Variants in PROSER1 observed in about 807,000 individuals in gnomAD.
PROSER1 encodes the protein proline and serine rich 1.
PROSER1 carries 36 observed loss-of-function variants against 71.8 expected under a neutral mutation model. That is an observed-to-expected ratio of 0.50 (90% CI 0.38 to 0.66). The LOEUF (loss-of-function observed/expected upper bound fraction) is 0.66, where lower values mean the gene tolerates loss of function less well. Ranked by LOEUF, PROSER1 falls within the 30% of genes least tolerant of loss-of-function variation. The pLI is 0.00. For synonymous variants in PROSER1, 490 were observed against 452.4 expected (o/e 1.08, Z -1.06); for missense variants, 1,107 against 1,135.0 (o/e 0.98, Z 0.35).
At chr13:39,035,694 T>C (rs1316936372) in intron 1 of PROSER1, among the ~76,000 whole-genome samples, 1 of 152,166 alleles carries the variant, frequency 6.6e-6, no homozygotes, top group East Asian at 1.9e-4. Context: ...ATGACAGTAG[T>C]GACAATCAGT....
At chr13:39,020,758 G>A (rs560994256) in intron 9 of PROSER1, among the ~76,000 whole-genome samples, 1 of 152,286 alleles carries the variant, frequency 6.6e-6, no homozygotes, top group Non-Finnish European at 1.5e-5. Context: ...GGTTTAAACT[G>A]GTATAGGGTT....
intron 2 of PROSER1, 60 bp from the exon 3 acceptor site, chr13:39,031,691 T>A: frequency 6.9e-7 from 1 of 1,449,796 alleles, no homozygotes; most frequent in South Asian, 1.2e-5. Flanking sequence ...TCTATAAGAT[T>A]TCAGTACTTG....
Position 39,013,530 on chromosome 13 carries a change from G to C in PROSER1, c.1722C>G (p.Ser574Arg), listed in dbSNP as rs774660974. Residue 574 changes from serine to arginine, a missense_variant, in exon 11 of 13, where the codon AGC (serine) becomes AGG (arginine). Coordinates refer to ENST00000352251, the MANE Select transcript of PROSER1 (RefSeq NM_025138.5). ...AASASTSVPV[S>R]CGSSASLLRG... ...GCAAAAGGGAGGCTGAGGAGCCACAGCTAACTGGCACTGACGTGGAAGCTG... is the reference window on the plus strand; with the variant it reads ...GCAAAAGGGAGGCTGAGGAGCCACACCTAACTGGCACTGACGTGGAAGCTG... The C allele has an allele frequency of 1.9e-5, 30 of 1,613,982 alleles. No homozygotes were observed. The highest frequency in any genetic ancestry group is 5.1e-6 in the Non-Finnish European group (6 of 1,180,034).
Position 39,014,467 on chromosome 13 carries a change from G to A in PROSER1, c.785C>T (p.Thr262Ile), listed in dbSNP as rs1397357815. ...SKPIQNQTFS[T>I]PASQLFSPHG... ...AGGAGAAAAGAGTTGACTTGCTGGG[G>A]TGGAAAATGCTATATGGAAGGGGGA... The change falls in exon 11 of 13, where the codon ACC (threonine) becomes ATC (isoleucine). Residue 262 changes from threonine to isoleucine, a missense_variant. By Grantham distance (89) the Thr-to-Ile change is moderately conservative. Coordinates refer to ENST00000352251, the MANE Select transcript of PROSER1 (RefSeq NM_025138.5). The A allele has an allele frequency of 1.2e-6, 2 of 1,605,768 alleles. No homozygotes were observed. Among genetic ancestry groups the A allele is most frequent in the Non-Finnish European group, 1.7e-6 (2 of 1,173,680 alleles).
intron 9 of PROSER1, chr13:39,017,824 TA>T (rs1870079163): frequency 3.3e-6 from 1 of 302,642 alleles, no homozygotes; most frequent in East Asian, 8.8e-5. Context: ...TGTCAAGTTT[TA>T]AATACACACT....
intron 2 of PROSER1, among the ~76,000 whole-genome samples, chr13:39,032,678 T>C (rs149141963): frequency 0.012 from 1,754 of 152,236 alleles, 12 homozygotes; most frequent in Non-Finnish European, 0.02. Context: ...TTAACTTTGA[T>C]GGGAATAATG....
chr13:39,036,511 A>T (rs542321706), intron 1 of PROSER1, among the ~76,000 whole-genome samples: 2 of 152,188 alleles, frequency 1.3e-5, no homozygotes, highest in Admixed American at 1.3e-4. Context: ...TTTTAAAATA[A>T]GTAACTTCTC....
Position 39,013,321 on chromosome 13 carries a change from G to A in PROSER1, c.1931C>T (p.Thr644Ile). 1.2e-6 allele frequency: 2 copies of A among 1,614,190 alleles called. No homozygotes were observed. Among genetic ancestry groups the A allele is most frequent in the African/African-American group, 2.7e-5 (2 of 75,050 alleles). The part of the protein sequence containing the change: ...GLSGTLGRAY[T>I]STSVPISLSA... ...TAAACTGATGGGCACGGATGTTGAAGTATATGCACGGCCCAATGTCCCTGA... is the reference window on the plus strand; with the variant it reads ...TAAACTGATGGGCACGGATGTTGAAATATATGCACGGCCCAATGTCCCTGA... Residue 644 changes from threonine (T) to isoleucine (I), a missense_variant, in exon 11 of 13, where the codon ACT becomes ATT. Transcript: ENST00000352251.
chr13:39,026,824 C>A (rs532439332), intron 5 of PROSER1, among the ~76,000 whole-genome samples: 3 of 152,104 alleles, frequency 2.0e-5, no homozygotes, highest in African/African-American at 7.2e-5. Flanking sequence ...AAACAAGTAA[C>A]ATGACATTGG....
intron 8 of PROSER1, chr13:39,022,809 C>A: frequency 9.4e-6 from 4 of 424,858 alleles, no homozygotes; most frequent in East Asian, 7.3e-5. Flanking sequence ...AAGTGAAAAC[C>A]CATAAATAAT....
In PROSER1 at chr13:39,017,481, G is replaced by C. The variant is rs1304831898; in HGVS notation, c.775+19C>G. The C allele has an allele frequency of 6.8e-7, 1 of 1,480,410 alleles. No homozygotes were observed. The highest frequency in any genetic ancestry group is 9.4e-7 in the Non-Finnish European group (1 of 1,068,258). The allele number at this position is 1,480,410 out of a possible 1,614,324, so 91.7% of individuals were successfully genotyped here. ...CCATGACAGATATCCGTTATCTCTG[G>C]ATCAAATTTGCTACTTACTTTGATT... On this transcript the variant is annotated intron_variant, in intron 10 of 12. Transcript: ENST00000352251.
chr13:39,034,058 G>A (rs1389427564), intron 2 of PROSER1, 73 bp downstream of exon 2: 8 of 1,064,178 alleles, frequency 7.5e-6, no homozygotes, highest in Admixed American at 2.9e-5. Context: ...TTCTGAATTC[G>A]GCCAGCAGAC....
chr13:39,018,492 ACACAC>A (rs1870118074), intron 9 of PROSER1, among the ~76,000 whole-genome samples: 1 of 141,882 alleles, frequency 7.0e-6, no homozygotes, highest in South Asian at 2.2e-4. Flanking sequence ...ACACACACAC[ACACAC>A]ACACACACAC....
At chr13:39,022,506 G>T (rs1870343912) in intron 8 of PROSER1, 94 bp from the exon 9 acceptor site, 7 of 783,526 alleles carry the variant, frequency 8.9e-6, no homozygotes, top group Non-Finnish European at 1.5e-5. Context: ...TATTAATGCA[G>T]CTATTCAATT....
At position 39,024,517 on chromosome 13, in the gene PROSER1, C is replaced by T; in HGVS notation, c.520G>A (p.Glu174Lys). The T allele has an allele frequency of 1.3e-6, 2 of 1,599,664 alleles. No individual in the cohort carries two copies. Among genetic ancestry groups the T allele is most frequent in the African/African-American group, 1.4e-5 (1 of 72,822 alleles). ...LKKDGEECTN[E>K]GKGIAARILG... ...ATTCGTGCAGCTATTCCTTTGCCTT[C>T]GTTAGTACATTCTTCACCATCTTTT... The change falls in exon 7 of 13, where the codon GAA (glutamate) becomes AAA (lysine). Residue 174 changes from glutamate (E) to lysine (K), a missense_variant. Transcript: ENST00000352251.
chr13:39,014,469 G>A lies in PROSER1; in HGVS notation c.783C>T (p.Ser261=), dbSNP rs267603822. 1.2e-6 allele frequency: 2 copies of A among 1,604,340 alleles called. No individual in the cohort carries two copies. Among genetic ancestry groups the A allele is most frequent in the Non-Finnish European group, 1.7e-6 (2 of 1,172,774 alleles). ...GAGAAAAGAGTTGACTTGCTGGGGT[G>A]GAAAATGCTATATGGAAGGGGGAAA... The part of the protein sequence containing the change: ...PSKPIQNQTF[S]TPASQLFSPH... The change falls in exon 11 of 13, where the codon TCC becomes TCT. Residue 261 remains serine (S), a synonymous_variant. Transcript: ENST00000352251.
At chr13:39,022,578 G>A (rs935189653) in intron 8 of PROSER1, 166 bp from the exon 9 acceptor site, 21 of 536,722 alleles carry the variant, frequency 3.9e-5, no homozygotes, top group South Asian at 7.8e-5. Context: ...CTAGAGTTAA[G>A]TGAAAACTGA....
chr13:39,024,365 T>C (rs1870442222), intron 7 of PROSER1, 108 bp downstream of exon 7: 1 of 760,800 alleles, frequency 1.3e-6, no homozygotes, highest in East Asian at 2.7e-5. Context: ...CTACAATTTC[T>C]AGAATACTTC....
chr13:39,024,315 A>T (rs1870439985), intron 7 of PROSER1, among the ~76,000 whole-genome samples, 158 bp downstream of exon 7: 1 of 152,126 alleles, frequency 6.6e-6, no homozygotes. Flanking sequence ...ACTACTGTTA[A>T]ATATTTATGT....
Sources: allele counts gnomAD v4.1 joint callset (sites outside exome capture counted in the v4.1 genomes callset), GRCh38; gene constraint gnomAD v4.1.1; transcripts MANE v1.5; gene names NCBI Gene and HGNC (gene_info 2026-07-23, HGNC 2026-07-21).